SPAM1: variants seen among roughly 807,000 people sequenced by gnomAD.
The protein encoded by SPAM1 is sperm adhesion molecule 1.
Under a neutral mutation model 29.6 loss-of-function variants are expected in SPAM1, and 22 were observed. The observed-to-expected ratio is 0.74, with a 90% CI of 0.53 to 1.06. The LOEUF (loss-of-function observed/expected upper bound fraction) is 1.06, where lower values mean the gene tolerates loss of function less well. Among genes scored for constraint, SPAM1 ranks in the 50% least tolerant of loss-of-function variants. The pLI is 0.00. For synonymous variants in SPAM1, 194 were observed against 204.6 expected, an observed-to-expected ratio of 0.95 and a Z score of 0.44; for missense variants, 534 against 604.0, an observed-to-expected ratio of 0.88 and a Z score of 1.21.
intron 5 of SPAM1, among the ~76,000 whole-genome samples, chr7:123,967,867 C>T (rs1182704216): frequency 6.6e-6 from 1 of 151,944 alleles, no homozygotes; most frequent in Non-Finnish European, 1.5e-5. Flanking sequence ...GTCTTTGAGT[C>T]TGGAGGCAGG....
At chr7:123,936,051 A>G (rs983765814) in intron 1 of SPAM1, among the ~76,000 whole-genome samples, 6 of 152,232 alleles carry the variant, frequency 3.9e-5, no homozygotes, top group African/African-American at 1.2e-4. Flanking sequence ...TGTGTTCTCA[A>G]CTACTCTCTG....
chr7:123,952,682 A>G (rs1381899917), intron 2 of SPAM1, among the ~76,000 whole-genome samples: 1 of 152,090 alleles, frequency 6.6e-6, no homozygotes, highest in African/African-American at 2.4e-5. Flanking sequence ...GCTTTTCTTA[A>G]GTTAGGCTAG....
intron 3 of SPAM1, 58 bp from the exon 4 acceptor site, chr7:123,954,939 T>G (rs555261410): frequency 8.9e-7 from 1 of 1,123,770 alleles, no homozygotes; most frequent in African/African-American, 1.5e-5. Flanking sequence ...GTTGCTGTCC[T>G]ATGTATAGCA....
intron 4 of SPAM1, among the ~76,000 whole-genome samples, chr7:123,958,257 C>A (rs1345404357): frequency 6.6e-6 from 1 of 152,010 alleles, no homozygotes; most frequent in Non-Finnish European, 1.5e-5. Context: ...ATTAGCACAA[C>A]CACCTCACTC....
chr7:123,939,328 G>C (rs563193415), intron 1 of SPAM1, among the ~76,000 whole-genome samples: 1 of 152,096 alleles, frequency 6.6e-6, no homozygotes, highest in Non-Finnish European at 1.5e-5. Context: ...CTCGTGATCT[G>C]CCCGCCTCGG....
downstream of SPAM1, among the ~76,000 whole-genome samples, chr7:123,963,730 G>A (rs1792388725): frequency 7.6e-6 from 1 of 131,960 alleles, no homozygotes; most frequent in East Asian, 2.0e-4. Context: ...TTCATGGGAA[G>A]CCCAATTCTT....
In SPAM1 at chr7:123,944,580, C is replaced by T. The variant is rs146185395; in HGVS notation, c.-318-5292C>T. Among the ~76,000 whole-genome samples the T allele has an allele frequency of 7.7e-3, 1,172 of 152,238 alleles. 9 individuals are homozygous for T. The highest frequency in any genetic ancestry group is 0.012 in the Non-Finnish European group (836 of 68,012). ...GGGAAGTTCATTTAGATAATCCTCACGTCAGACCTAATGAGAATGGCACTT... is the reference window on the plus strand; with the variant it reads ...GGGAAGTTCATTTAGATAATCCTCATGTCAGACCTAATGAGAATGGCACTT... On this transcript the variant is annotated intron_variant, in intron 1 of 4. Coordinates refer to ENST00000682466, the MANE Select transcript of SPAM1 (RefSeq NM_153189.3).
rs73226192 is a variant in SPAM1, at chr7:123,939,452, A to G, written c.-318-10420A>G. Among the ~76,000 whole-genome samples the G allele has an allele frequency of 6.5e-3, 995 of 152,250 alleles. 6 individuals carry two copies. The highest frequency in any genetic ancestry group is 8.7e-3 in the Non-Finnish European group (595 of 68,020). On this transcript the variant is annotated intron_variant, in intron 1 of 4. Transcript: ENST00000682466. ...TGCGTCAGCCTTACGCTTGCCTACG[A>G]AAGACATACTAGTCTTCTGAATAAT...
At chr7:123,945,584 A>C (rs982030167) in intron 1 of SPAM1, among the ~76,000 whole-genome samples, 4 of 152,084 alleles carry the variant, frequency 2.6e-5, no homozygotes, top group African/African-American at 9.6e-5. Context: ...TCTGCCCATC[A>C]CTCTTGAAAC....
At chr7:123,966,891 A>G (rs1189197785) in intron 5 of SPAM1, among the ~76,000 whole-genome samples, 2 of 152,148 alleles carry the variant, frequency 1.3e-5, no homozygotes, top group Non-Finnish European at 2.9e-5. Flanking sequence ...CATCCTGCAC[A>G]TATACCCTGG....
chr7:123,956,767 G>A (rs183110801), intron 4 of SPAM1, among the ~76,000 whole-genome samples: 1 of 151,956 alleles, frequency 6.6e-6, no homozygotes, highest in Admixed American at 6.6e-5. Flanking sequence ...GAAATACTAT[G>A]TAATAATGTG....
intron 5 of SPAM1, among the ~76,000 whole-genome samples, chr7:123,968,228 T>C (rs1171367787): frequency 1.3e-5 from 2 of 152,042 alleles, no homozygotes; most frequent in African/African-American, 4.8e-5. Flanking sequence ...CAGTCATATA[T>C]ACACCCACTT....
At chr7:123,964,867 G>A (rs1283862283), downstream of SPAM1, among the ~76,000 whole-genome samples, 3 of 151,970 alleles carry the variant, frequency 2.0e-5, no homozygotes, top group African/African-American at 7.2e-5. Flanking sequence ...TTTGTATCCT[G>A]TAGGAAACCT....
intron 6 of SPAM1, chr7:123,970,352 C>T (rs1792482185): frequency 2.3e-6 from 3 of 1,331,716 alleles, no homozygotes; most frequent in South Asian, 1.4e-5. Context: ...CTTGTTTCTT[C>T]CCCTTATAAG....
chr7:123,959,362 TCTA>T (rs746411111), intron 4 of SPAM1, 119 bp from the exon 5 acceptor site: 19 of 650,090 alleles, frequency 2.9e-5, no homozygotes, highest in Admixed American at 1.2e-4. Context: ...GAAATTATCT[TCTA>T]CTTCTTGCTA....
chr7:123,938,073 T>A (rs1011914364), intron 1 of SPAM1, among the ~76,000 whole-genome samples: 1 of 151,918 alleles, frequency 6.6e-6, no homozygotes, highest in Admixed American at 6.6e-5. Context: ...ATAGTTTTGC[T>A]GTCACAAAAT....
intron 1 of SPAM1, among the ~76,000 whole-genome samples, chr7:123,928,683 G>A (rs1044483817): frequency 6.6e-6 from 1 of 152,160 alleles, no homozygotes. Flanking sequence ...TCTATTTTAA[G>A]GATGGAGGAT....
intron 1 of SPAM1, among the ~76,000 whole-genome samples, chr7:123,931,906 T>C (rs898780963): frequency 1.3e-5 from 2 of 152,166 alleles, no homozygotes; most frequent in African/African-American, 4.8e-5. Context: ...CAGCAAAGTT[T>C]GTCCAAACTC....
At chr7:123,968,767 G>A (rs982979626) in intron 5 of SPAM1, among the ~76,000 whole-genome samples, 2 of 152,018 alleles carry the variant, frequency 1.3e-5, no homozygotes, top group Non-Finnish European at 2.9e-5. Context: ...CATTGGCTGT[G>A]TAAGCTTGAG....
Sources: allele counts gnomAD v4.1 joint callset (sites outside exome capture counted in the v4.1 genomes callset), GRCh38; gene constraint gnomAD v4.1.1; transcripts MANE v1.5; gene names NCBI Gene and HGNC (gene_info 2026-07-23, HGNC 2026-07-21).